CSTPP1: variants seen among roughly 807,000 people sequenced by gnomAD.
CSTPP1 encodes centriolar satellite-associated tubulin polyglutamylase complex regulator 1.
chr11:46,997,204 G>T, the CSTPP1 span, among the ~76,000 whole-genome samples: 1 of 152,210 alleles, frequency 6.6e-6, no homozygotes, highest in African/African-American at 2.4e-5. Flanking sequence ...ATCAGATGTA[G>T]ATTTGGTCTT....
chr11:47,118,374 C>A, the CSTPP1 span, among the ~76,000 whole-genome samples: 1 of 152,124 alleles, frequency 6.6e-6, no homozygotes, highest in African/African-American at 2.4e-5. Context: ...AGGTTTTTAG[C>A]TTCCTTGCGA....
chr11:47,120,532 T>C, the CSTPP1 span, among the ~76,000 whole-genome samples: 2 of 152,206 alleles, frequency 1.3e-5, no homozygotes, highest in Admixed American at 1.3e-4. This position sits in a 1 kb window ranked among gnomAD's most constrained non-coding sequence, Gnocchi z 4.2. Flanking sequence ...CAGGGTGGAC[T>C]AACTTCCAAT....
At chr11:47,123,028 A>G in the CSTPP1 span, 1 of 152,160 alleles carries the variant, frequency 6.6e-6, no homozygotes, top group South Asian at 2.1e-4. Context: ...GTTATTTTAA[A>G]GCAAACATGG....
At chr11:47,091,433 C>T in the CSTPP1 span, among the ~76,000 whole-genome samples, 2 of 152,058 alleles carry the variant, frequency 1.3e-5, no homozygotes, top group Admixed American at 6.6e-5. Flanking sequence ...AGCCCAGAAT[C>T]AAAGTGAAGT....
chr11:47,159,973 C>T, the CSTPP1 span: 1 of 309,028 alleles, frequency 3.2e-6, no homozygotes, highest in African/African-American at 2.2e-5. Context: ...CATTGCATTT[C>T]AGCCTGGACA....
At chr11:47,074,501 G>GAAAAAAAAAAAAAAAAA in the CSTPP1 span, among the ~76,000 whole-genome samples, 1 of 115,200 alleles carries the variant, frequency 8.7e-6, no homozygotes, top group African/African-American at 3.4e-5. Context: ...TCCTGTCTCA[G>GAAAAAAAAAAAAAAAAA]AAAAAAAAAA....
chr11:47,074,955 T>C, the CSTPP1 span, among the ~76,000 whole-genome samples: 1 of 152,212 alleles, frequency 6.6e-6, no homozygotes, highest in Admixed American at 6.5e-5. Flanking sequence ...GAGAATATAG[T>C]TCTATTTTTA....
the CSTPP1 span, among the ~76,000 whole-genome samples, chr11:46,954,815 T>C: frequency 1.3e-5 from 2 of 151,816 alleles, no homozygotes; most frequent in African/African-American, 4.8e-5. Flanking sequence ...TTTTTTTTTT[T>C]TGAGTACCAG....
the CSTPP1 span, among the ~76,000 whole-genome samples, chr11:47,007,944 G>A: frequency 6.6e-6 from 1 of 152,014 alleles, no homozygotes; most frequent in Admixed American, 6.6e-5. Context: ...AGCCCCCAAC[G>A]TGGGTGGGTC....
chr11:47,140,842 T>A, the CSTPP1 span, among the ~76,000 whole-genome samples: 2 of 152,098 alleles, frequency 1.3e-5, no homozygotes, highest in South Asian at 2.1e-4. Flanking sequence ...GGCTCACGCC[T>A]GTAATCCCAG....
At chr11:47,099,636 A>C in the CSTPP1 span, among the ~76,000 whole-genome samples, 1 of 152,256 alleles carries the variant, frequency 6.6e-6, no homozygotes, top group African/African-American at 2.4e-5. Flanking sequence ...TGAACTGGGT[A>C]TAATATTGAC....
chr11:46,953,044 G>A, the CSTPP1 span, among the ~76,000 whole-genome samples: 3 of 152,186 alleles, frequency 2.0e-5, no homozygotes, highest in African/African-American at 7.2e-5. Context: ...CAGTGCCACA[G>A]ACACTGGGGA....
chr11:46,964,410 C>T, the CSTPP1 span, among the ~76,000 whole-genome samples: 2 of 152,058 alleles, frequency 1.3e-5, no homozygotes, highest in African/African-American at 4.8e-5. Context: ...CTTAGCCTCC[C>T]GAGTAGCTGG....
the CSTPP1 span, among the ~76,000 whole-genome samples, chr11:47,159,238 G>A: frequency 6.6e-6 from 1 of 152,176 alleles, no homozygotes; most frequent in South Asian, 2.1e-4. Context: ...GGCCAGGCGT[G>A]GTGCCTCACG....
chr11:46,998,387 A>G, the CSTPP1 span, among the ~76,000 whole-genome samples: 1 of 152,228 alleles, frequency 6.6e-6, no homozygotes, highest in African/African-American at 2.4e-5. Context: ...AAGATTTTCT[A>G]CAGTGCTGAT....
the CSTPP1 span, among the ~76,000 whole-genome samples, chr11:46,944,928 C>T: frequency 6.6e-6 from 1 of 152,194 alleles, no homozygotes; most frequent in African/African-American, 2.4e-5. Context: ...TAGTCTCTTC[C>T]AGCCATGAGG....
At chr11:47,162,782 T>A in the CSTPP1 span, among the ~76,000 whole-genome samples, 34 of 152,060 alleles carry the variant, frequency 2.2e-4, no homozygotes, top group African/African-American at 8.2e-4. Context: ...TCACCACTAC[T>A]AGGCATACAC....
the CSTPP1 span, among the ~76,000 whole-genome samples, chr11:46,952,756 C>T: frequency 3.9e-5 from 6 of 152,150 alleles, no homozygotes; most frequent in African/African-American, 1.4e-4. Flanking sequence ...TAAACATTTC[C>T]AATAATCAGA....
At chr11:47,036,234 T>TAA in the CSTPP1 span, among the ~76,000 whole-genome samples, 2 of 55,666 alleles carry the variant, frequency 3.6e-5, no homozygotes, top group Non-Finnish European at 7.6e-5. Flanking sequence ...ATATATAATA[T>TAA]ATTATATTTA....
Sources: gnomAD v4.1 joint callset for allele counts (sites outside exome capture counted in the v4.1 genomes callset) on GRCh38, gnomAD v4.1.1 for gene constraint, Gnocchi (gnomAD v3.1) non-coding constraint, MANE v1.5 for transcripts, NCBI Gene and HGNC (gene_info 2026-07-23, HGNC 2026-07-21) for gene names.